Variants in ZNF276 observed in about 807,000 individuals in gnomAD.
ZNF276 encodes zinc finger protein 276, also known as centromere protein Z.
In ZNF276, 59 loss-of-function variants were observed where a neutral mutation model predicts 63.9. The ratio of observed to expected loss-of-function variants is 0.92; its 90% CI spans 0.75 to 1.15. The LOEUF (loss-of-function observed/expected upper bound fraction) is 1.15. Ranked by LOEUF, ZNF276 falls within the 50% of genes most tolerant of loss-of-function variation. The probability of loss-of-function intolerance (pLI) is 0.00; values close to 1 mark genes in which losing one functional copy is unlikely to be tolerated. For synonymous variants in ZNF276, 496 were observed against 348.4 expected, an observed-to-expected ratio of 1.42 and a Z score of -4.72; for missense variants, 1,084 against 843.8, an observed-to-expected ratio of 1.28 and a Z score of -3.53.
At chr16:89,726,904 A>G (rs536875770) in intron 4 of ZNF276, among the ~76,000 whole-genome samples, 117 of 152,306 alleles carry the variant, frequency 7.7e-4, no homozygotes, top group Middle Eastern at 3.4e-3. Context: ...TCGGCCTCCC[A>G]AAGTGCTGGG....
At position 89,721,552 on chromosome 16, in the gene ZNF276, C is replaced by T; in HGVS notation, c.-89C>T. 2 of 1,322,470 alleles carry T rather than the reference C, an allele frequency of 1.5e-6. No individual in the cohort carries two copies. Among genetic ancestry groups the T allele is most frequent in the South Asian group, 1.4e-5 (1 of 69,660 alleles). 81.9% of individuals were successfully genotyped at this position (1,322,470 alleles called of 1,614,324 possible). On this transcript the variant is annotated 5_prime_UTR_variant, in exon 1 of 11. Transcript: ENST00000443381. ...CCCCTCCCCCGCCCCGCCTCGCTTC[C>T]AGCGCGCCGAGCGGAGCCTAACGCC... is the stretch of plus-strand genomic sequence containing the variant.
chr16:89,727,377 A>C lies in ZNF276; in HGVS notation c.1085+20A>C, dbSNP rs768691687. On this transcript the variant is annotated intron_variant, in intron 5 of 10. Transcript: ENST00000443381. ...TGAGGGGTGAGAGAAGAGTGGGTTTAAACAGCCTAAAATTTCTCCTTCAAA... is the reference window on the plus strand; with the variant it reads ...TGAGGGGTGAGAGAAGAGTGGGTTTCAACAGCCTAAAATTTCTCCTTCAAA... 2 of 1,610,318 alleles carry C rather than the reference A, an allele frequency of 1.2e-6. No individual in the cohort carries two copies. The highest frequency in any genetic ancestry group is 2.7e-5 in the African/African-American group (2 of 74,714).
intron 9 of ZNF276, among the ~76,000 whole-genome samples, chr16:89,735,474 TG>T (rs2061826759): frequency 1.3e-5 from 2 of 151,120 alleles, no homozygotes; most frequent in South Asian, 4.2e-4. Flanking sequence ...TGTTATTTTT[TG>T]GGTTCTCCGA....
At chr16:89,721,151 C>T (rs2061256370), upstream of ZNF276, 4 of 266,542 alleles carry the variant, frequency 1.5e-5, no homozygotes, top group Non-Finnish European at 2.8e-5. Flanking sequence ...GGGCGTCTAA[C>T]CGCGGCAGCC....
chr16:89,721,019 G>A, upstream of ZNF276: 2 of 689,802 alleles, frequency 2.9e-6, no homozygotes, highest in Non-Finnish European at 2.0e-6. Context: ...CGCGCGTACT[G>A]CGGGCCCCAC....
At position 89,738,400 on chromosome 16, in the gene ZNF276, T is replaced by A. The variant is rs2062021584; in HGVS notation, c.*154T>A. On this transcript the variant is annotated 3_prime_UTR_variant, in exon 11 of 11. Transcript: ENST00000443381. Reference sequence around the variant, plus strand: ...TGGTGTCCGGCTCAAGTAGCCTTCCTCTGCTCTGGGACCAGTGGTTTATTT... The same window carrying A: ...TGGTGTCCGGCTCAAGTAGCCTTCCACTGCTCTGGGACCAGTGGTTTATTT... 2.9e-6 allele frequency: 4 copies of A among 1,381,344 alleles called. No individual in the cohort carries two copies. The African/African-American group carries it at 5.7e-5, about 20-fold the overall frequency. 85.6% of individuals were successfully genotyped at this position (1,381,344 alleles called of 1,614,324 possible). A position where few individuals can be genotyped will look rare whatever the true frequency, so the allele number is the denominator to read the frequency against.
intron 9 of ZNF276, among the ~76,000 whole-genome samples, chr16:89,734,804 T>C (rs1237679491): frequency 6.6e-6 from 1 of 152,190 alleles, no homozygotes; most frequent in East Asian, 1.9e-4. Context: ...GCCCGTCTTA[T>C]TTTTCACAAT....
Position 89,738,858 on chromosome 16 carries a change from C to CACCGT in ZNF276, c.*612_*613insACCGT. 1 of 1,614,228 alleles carries CACCGT rather than the reference C, an allele frequency of 6.2e-7. No homozygotes were observed. Among genetic ancestry groups the CACCGT allele is most frequent in the Non-Finnish European group, 8.5e-7 (1 of 1,180,032 alleles). On this transcript the variant is annotated 3_prime_UTR_variant, in exon 11 of 11. Coordinates refer to ENST00000443381, the MANE Select transcript of ZNF276 (RefSeq NM_001113525.2). ...TCAATTCTCATGTCCCCCACATGGC[C>CACCGT]CAAGGTGGGCATCTTGACGTTACCT...
At chr16:89,733,265 T>A in intron 6 of ZNF276, 37 bp from the exon 7 acceptor site, 1 of 1,583,558 alleles carries the variant, frequency 6.3e-7, no homozygotes. Flanking sequence ...CAAATGGAGA[T>A]CAGAAACCAT....
rs1167675763 is a variant in ZNF276 at position 89,738,596 on chromosome 16, TC to T, written c.*353del. 1.2e-6 allele frequency: 2 copies of T among 1,604,760 alleles called. No individual in the cohort carries two copies. The highest frequency in any genetic ancestry group is 8.5e-7 in the Non-Finnish European group (1 of 1,176,884). On this transcript the variant is annotated 3_prime_UTR_variant, in exon 11 of 11. Transcript: ENST00000443381. The stretch of plus-strand genomic sequence containing the variant: ...AGCTGGGCTGGTGTGCAGTGGCAGG[TC>T]CCGTCAGAAGAGATGAGGCTCCTGG...
At chr16:89,720,764 CG>C (rs1234360395), upstream of ZNF276, 9 of 1,449,968 alleles carry the variant, frequency 6.2e-6, no homozygotes, top group Admixed American at 7.4e-5. Context: ...CCGCCTCACC[CG>C]GGGCCGGTTG....
intron 5 of ZNF276, 22 bp from the exon 6 acceptor site, chr16:89,729,213 A>G: frequency 1.2e-6 from 2 of 1,611,760 alleles, no homozygotes; most frequent in Non-Finnish European, 1.7e-6. Context: ...GGCTTTGCTG[A>G]AGATTCTCTC....
chr16:89,735,745 A>T (rs1184940381), intron 9 of ZNF276, among the ~76,000 whole-genome samples: 3 of 151,516 alleles, frequency 2.0e-5, no homozygotes, highest in Admixed American at 1.3e-4. Flanking sequence ...AAACAGTCTC[A>T]CTCTTATCAC....
chr16:89,721,528 C>G, upstream of ZNF276: 1 of 1,100,732 alleles, frequency 9.1e-7, no homozygotes, highest in Non-Finnish European at 1.2e-6. Context: ...CTCGCTCCGC[C>G]CCTCCCCCGC....
intron 9 of ZNF276, among the ~76,000 whole-genome samples, chr16:89,734,881 G>A (rs974579574): frequency 2.0e-5 from 3 of 152,226 alleles, no homozygotes; most frequent in East Asian, 1.9e-4. Flanking sequence ...AAACTTGGCC[G>A]GGCGTGGTGG....
In ZNF276 at chr16:89,722,825, C is replaced by T. The variant is rs759905081; in HGVS notation, c.500C>T (p.Pro167Leu). The change falls in exon 2 of 11, where the codon CCT becomes CTT. Residue 167 changes from proline to leucine, a missense_variant. Transcript: ENST00000443381. ...VNASPAGRRK[P>L]CAKVGAQPPT... ...GCCTCCCCGGCTGGTCGCCGGAAGC[C>T]TTGTGCAAAGTACGCCCTAGTCTGT... The T allele has an allele frequency of 6.2e-6, 10 of 1,602,402 alleles. No individual in the cohort carries two copies. Among genetic ancestry groups the T allele is most frequent in the South Asian group, 1.1e-5 (1 of 91,064 alleles).
rs199732603 is a variant in ZNF276 at position 89,736,905 on chromosome 16, C to CA, written c.1475-892dup. Among the ~76,000 whole-genome samples, 355 of 149,578 alleles carry CA rather than the reference C, an allele frequency of 2.4e-3. 1 individual carries two copies. The highest frequency in any genetic ancestry group is 6.4e-3 in the African/African-American group (261 of 40,748). On this transcript the variant is annotated intron_variant, in intron 9 of 10. Coordinates refer to ENST00000443381, the MANE Select transcript of ZNF276 (RefSeq NM_001113525.2). The stretch of plus-strand genomic sequence containing the variant: ...GGGCAACAGAGCAAGACTCAAGTCT[C>CA]AAAAAAAAAGAACAGCGTAGAGTAA...
intron 4 of ZNF276, among the ~76,000 whole-genome samples, chr16:89,724,693 C>G (rs111485843): frequency 1.2e-4 from 19 of 152,256 alleles, no homozygotes; most frequent in African/African-American, 4.6e-4. Context: ...TACGGGTGCA[C>G]AGATGAGACA....
At chr16:89,720,623 C>G (rs1365656654), upstream of ZNF276, 5 of 1,228,806 alleles carry the variant, frequency 4.1e-6, no homozygotes, top group South Asian at 1.5e-4. Flanking sequence ...CGTCCTCGCC[C>G]GGGAACCGCG....
Sources: gnomAD v4.1 joint callset for allele counts (sites outside exome capture counted in the v4.1 genomes callset) on GRCh38, gnomAD v4.1.1 for gene constraint, MANE v1.5 for transcripts, NCBI Gene and HGNC (gene_info 2026-07-23, HGNC 2026-07-21) for gene names.